MYO18B: variants seen among roughly 807,000 people sequenced by gnomAD.
MYO18B encodes the protein myosin XVIIIB, also known as unconventional myosin-XVIIIb.
In MYO18B, 204 loss-of-function variants were observed where a neutral mutation model predicts 273.0. The observed-to-expected ratio is 0.75, with a 90% CI of 0.67 to 0.84. MYO18B has a LOEUF of 0.84. Among genes scored for constraint, MYO18B ranks in the 40% least tolerant of loss-of-function variants. The pLI is 0.00. For synonymous variants in MYO18B, 1,330 were observed against 1,305.7 expected (o/e 1.02, Z -0.40); for missense variants, 3,212 against 3,287.6 (o/e 0.98, Z 0.56).
chr22:25,759,618 T>G (rs1384799389), intron 1 of MYO18B, among the ~76,000 whole-genome samples: 1 of 152,074 alleles, frequency 6.6e-6, no homozygotes, highest in Non-Finnish European at 1.5e-5. Flanking sequence ...TGTATACCTA[T>G]GTAACAAACC....
rs954621517 is a variant in MYO18B, at chr22:25,761,149, C to T, written c.39+18C>T. On this transcript the variant is annotated intron_variant, in intron 2 of 43. Transcript: ENST00000335473. ...AGCAGAAGGAAAGTGACACTCATGG[C>T]TGGGGCTGCAGCCATCTGCAGGGAC... The T allele has an allele frequency of 1.2e-6, 2 of 1,612,544 alleles. No individual in the cohort carries two copies. The highest frequency in any genetic ancestry group is 1.7e-6 in the Non-Finnish European group (2 of 1,179,836).
chr22:25,884,056 G>A (rs147223559), intron 25 of MYO18B, among the ~76,000 whole-genome samples: 1 of 152,140 alleles, frequency 6.6e-6, no homozygotes, highest in Non-Finnish European at 1.5e-5. Context: ...TTCCCCCCAA[G>A]ACCTTATTTA....
At chr22:25,850,612 C>G (rs1289099688) in intron 20 of MYO18B, among the ~76,000 whole-genome samples, 2 of 152,156 alleles carry the variant, frequency 1.3e-5, no homozygotes, top group South Asian at 2.1e-4. Context: ...GTGTCTCGCT[C>G]TGTCACCCAG....
chr22:25,847,467 A>T lies in MYO18B; in HGVS notation c.3590A>T (p.His1197Leu), dbSNP rs1462966378. 1 of 1,579,822 alleles carries T rather than the reference A, an allele frequency of 6.3e-7. No homozygotes were observed. The highest frequency in any genetic ancestry group is 1.3e-5 in the African/African-American group (1 of 74,188). Reference protein sequence around the residue: ...LTSMIKRSRLHFIHCLVPNPV... With the variant: ...LTSMIKRSRLLFIHCLVPNPV... ...AGCATGATCAAAAGGTCCCGGCTGC[A>T]CTTTATCCACTGCCTGGTACCAAAC... Residue 1197 changes from histidine to leucine, a missense_variant, in exon 20 of 44, where the codon CAC (histidine) becomes CTC (leucine). Coordinates refer to ENST00000335473, the MANE Select transcript of MYO18B (RefSeq NM_032608.7).
At chr22:25,867,729 A>G (rs141220515) in intron 21 of MYO18B, among the ~76,000 whole-genome samples, 6,133 of 152,122 alleles carry the variant, frequency 0.04, 174 homozygotes, top group East Asian at 0.13. Flanking sequence ...TCCCAGGTTC[A>G]TGCCATTCTC....
chr22:25,977,356 T>C (rs2093102145), intron 39 of MYO18B, among the ~76,000 whole-genome samples: 1 of 152,110 alleles, frequency 6.6e-6, no homozygotes, highest in Non-Finnish European at 1.5e-5. Flanking sequence ...TGGGTTGCTG[T>C]GTCTGTAACC....
Position 25,975,006 on chromosome 22 carries a change from A to G in MYO18B, c.6157-17357A>G, listed in dbSNP as rs148141940. Among the ~76,000 whole-genome samples the G allele has an allele frequency of 3.0e-3, 462 of 152,282 alleles. 4 individuals are homozygous for G. Among genetic ancestry groups the G allele is most frequent in the African/African-American group, 9.7e-3 (402 of 41,550 alleles). ...AAAAATGGGGGAGACTGTTGGAATC[A>G]ATGCCTGGCTTCCAAAGTTCTGGAA... On this transcript the variant is annotated intron_variant, in intron 39 of 43. Transcript: ENST00000335473.
chr22:25,827,426 C>T (rs1391205000), intron 14 of MYO18B, among the ~76,000 whole-genome samples: 2 of 152,168 alleles, frequency 1.3e-5, no homozygotes, highest in East Asian at 1.9e-4. Context: ...GGGCTGCAGG[C>T]ACCAGGAGCC....
chr22:25,952,782 G>T (rs2092808071), intron 38 of MYO18B, among the ~76,000 whole-genome samples: 1 of 151,880 alleles, frequency 6.6e-6, no homozygotes, highest in Non-Finnish European at 1.5e-5. Flanking sequence ...TCTATGCATT[G>T]ATCCAGTTCT....
the MYO18B span, among the ~76,000 whole-genome samples, chr22:26,038,327 A>G: frequency 6.6e-6 from 1 of 152,164 alleles, no homozygotes; most frequent in Non-Finnish European, 1.5e-5. Flanking sequence ...TAAGCTCACC[A>G]TAGGCGAGCT....
intron 28 of MYO18B, chr22:25,897,743 A>C (rs2091840963): frequency 6.6e-6 from 1 of 152,398 alleles, no homozygotes; most frequent in South Asian, 2.1e-4. Flanking sequence ...CCAGATCTAA[A>C]CTAGGACATT....
chr22:26,056,675 C>G, the MYO18B span, among the ~76,000 whole-genome samples: 2 of 152,186 alleles, frequency 1.3e-5, no homozygotes, highest in African/African-American at 4.8e-5. Context: ...TCTTCGTTCC[C>G]TGCAATTCCT....
intron 26 of MYO18B, 89 bp from the exon 27 acceptor site, chr22:25,891,215 A>G (rs2091653005): frequency 3.0e-6 from 3 of 1,012,388 alleles, no homozygotes; most frequent in Non-Finnish European, 1.5e-6. Context: ...AGGGTGGCCA[A>G]TCCGAGCCTT....
intron 29 of MYO18B, chr22:25,899,799 A>AGAGTGACTGGTGGTTCAGAT (rs2091893193): frequency 6.6e-6 from 1 of 150,964 alleles, no homozygotes; most frequent in Non-Finnish European, 1.5e-5. Flanking sequence ...TCTGGGCCAG[A>AGAGTGACTGGTGGTTCAGAT]GAGTGACTGA....
intron 34 of MYO18B, among the ~76,000 whole-genome samples, chr22:25,931,098 G>A (rs1180083437): frequency 1.3e-5 from 2 of 152,148 alleles, no homozygotes; most frequent in Non-Finnish European, 2.9e-5. Flanking sequence ...CAGGAACTAT[G>A]GAACAGGTGG....
At chr22:25,788,174 C>G (rs1005371284) in intron 11 of MYO18B, among the ~76,000 whole-genome samples, 2 of 152,182 alleles carry the variant, frequency 1.3e-5, no homozygotes, top group African/African-American at 2.4e-5. Flanking sequence ...TCTCTGCTAC[C>G]TGGCAGGTAT....
the MYO18B span, among the ~76,000 whole-genome samples, chr22:26,049,251 C>A: frequency 6.6e-6 from 1 of 152,154 alleles, no homozygotes; most frequent in Non-Finnish European, 1.5e-5. Context: ...AAACAGAAAC[C>A]ATCTATCTAG....
Position 25,922,035 on chromosome 22 carries a change from C to T in MYO18B, c.5517+626C>T, listed in dbSNP as rs1005206. On this transcript the variant is annotated intron_variant, in intron 34 of 43. Coordinates refer to ENST00000335473, the MANE Select transcript of MYO18B (RefSeq NM_032608.7). Reference sequence around the variant, plus strand: ...CCACTGGCTGCTACCAGCTGGAGCCCTCACTAGGTACTGGGTCCTCTGTAT... The same window carrying T: ...CCACTGGCTGCTACCAGCTGGAGCCTTCACTAGGTACTGGGTCCTCTGTAT... Among the ~76,000 whole-genome samples the T allele has an allele frequency of 9.0e-3, 1,374 of 152,252 alleles. 16 individuals are homozygous for T. The highest frequency in any genetic ancestry group is 0.031 in the African/African-American group (1,277 of 41,520).
chr22:25,901,876 A>G (rs1290340267), intron 29 of MYO18B, among the ~76,000 whole-genome samples: 2 of 149,156 alleles, frequency 1.3e-5, no homozygotes, highest in East Asian at 4.0e-4. Context: ...GCAGTGGCAC[A>G]ATCATGGCTC....
Sources: gnomAD v4.1 joint callset for allele counts (sites outside exome capture counted in the v4.1 genomes callset) on GRCh38, gnomAD v4.1.1 for gene constraint, MANE v1.5 for transcripts, NCBI Gene and HGNC (gene_info 2026-07-23, HGNC 2026-07-21) for gene names.